Variants in PTK2B observed in about 807,000 individuals in gnomAD.
PTK2B encodes protein-tyrosine kinase 2-beta.
PTK2B carries 71 observed loss-of-function variants against 142.9 expected under a neutral mutation model. The ratio of observed to expected loss-of-function variants is 0.50; its 90% CI spans 0.41 to 0.61. PTK2B has a LOEUF of 0.61. PTK2B is among the 20% of genes least tolerant of loss of function. The pLI, the probability that PTK2B is intolerant of heterozygous loss-of-function variation, is 0.00. For synonymous variants in PTK2B, 519 were observed against 503.4 expected (o/e 1.03, Z -0.42); for missense variants, 1,105 against 1,320.4 (o/e 0.84, Z 2.53).
intron 2 of PTK2B, among the ~76,000 whole-genome samples, chr8:27,399,985 CTGTG>C (rs1426006280): frequency 6.6e-6 from 1 of 152,184 alleles, no homozygotes; most frequent in Admixed American, 6.5e-5. Flanking sequence ...AGGCTATTGA[CTGTG>C]TGGGTATTAG....
chr8:27,424,323 G>A lies in PTK2B; in HGVS notation c.551+1940G>A, dbSNP rs376475250. ...TTACTGGTGGTGGCCTAAGCTCCAG[G>A]CACTGCACTAATGTATTGGAGGACA... On this transcript the variant is annotated intron_variant, in intron 5 of 30. Transcript: ENST00000346049. Among the ~76,000 whole-genome samples, 69 of 152,230 alleles carry A rather than the reference G, an allele frequency of 4.5e-4. 2 individuals carry two copies. In the East Asian group the frequency reaches 0.012, roughly 26 times the overall value.
At chr8:27,408,061 AT>A (rs1356354215) in intron 2 of PTK2B, among the ~76,000 whole-genome samples, 1 of 152,162 alleles carries the variant, frequency 6.6e-6, no homozygotes, top group Non-Finnish European at 1.5e-5. Flanking sequence ...ATATCCCCAA[AT>A]GAAGGCCTCA....
chr8:27,416,196 A>C (rs1225968517), intron 2 of PTK2B, among the ~76,000 whole-genome samples: 1 of 152,278 alleles, frequency 6.6e-6, no homozygotes, highest in Non-Finnish European at 1.5e-5. Context: ...TCTAACATTT[A>C]TGTGGACATG....
chr8:27,329,222 C>G (rs1455502780), intron 1 of PTK2B, among the ~76,000 whole-genome samples: 1 of 152,202 alleles, frequency 6.6e-6, no homozygotes, highest in East Asian at 1.9e-4. Flanking sequence ...AGGTGTGAGC[C>G]ACCGCGTCTG....
At chr8:27,445,584 G>A (rs1036524853) in intron 23 of PTK2B, among the ~76,000 whole-genome samples, 8 of 152,152 alleles carry the variant, frequency 5.3e-5, no homozygotes, top group African/African-American at 1.9e-4. Flanking sequence ...CATCTTGGGG[G>A]AATGTTGGAT....
chr8:27,435,001 A>C (rs1031612735), intron 13 of PTK2B, among the ~76,000 whole-genome samples: 25 of 152,128 alleles, frequency 1.6e-4, no homozygotes, highest in African/African-American at 5.1e-4. Context: ...TCCATCTCAA[A>C]AAAAAAAAAT....
intron 1 of PTK2B, among the ~76,000 whole-genome samples, chr8:27,356,823 C>T (rs1805418913): frequency 6.6e-6 from 1 of 152,216 alleles, no homozygotes; most frequent in Non-Finnish European, 1.5e-5. Flanking sequence ...AAGTCACATA[C>T]TGTATGATTC....
intron 5 of PTK2B, among the ~76,000 whole-genome samples, chr8:27,422,824 G>A (rs1339770669): frequency 6.6e-6 from 1 of 152,208 alleles, no homozygotes; most frequent in Non-Finnish European, 1.5e-5. Context: ...ACATCATCCA[G>A]AGAGGCCCTC....
intron 15 of PTK2B, 103 bp downstream of exon 15, chr8:27,436,451 T>G (rs1306728117): frequency 8.7e-6 from 9 of 1,030,818 alleles, no homozygotes; most frequent in Non-Finnish European, 1.3e-5. Context: ...TTCATCCACT[T>G]GGGGCCCCTT....
In PTK2B at chr8:27,411,240, T is replaced by C. The variant is rs147325730; in HGVS notation, c.205-8655T>C. ...TGCTGATCTTGCTGCCCCTACTGTT[T>C]GCTTGAGAAGCTGTTTACATATTAG... On this transcript the variant is annotated intron_variant, in intron 2 of 30. Transcript: ENST00000346049. Among the ~76,000 whole-genome samples the C allele has an allele frequency of 5.3e-5, 8 of 152,324 alleles. No individual in the cohort carries two copies. In the East Asian group the frequency reaches 1.5e-3, roughly 29 times the overall value.
intron 2 of PTK2B, among the ~76,000 whole-genome samples, chr8:27,406,471 C>A (rs939812612): frequency 6.6e-6 from 1 of 152,074 alleles, no homozygotes; most frequent in Non-Finnish European, 1.5e-5. Flanking sequence ...AGTGAGTGGG[C>A]CTTTTGTCCA....
chr8:27,368,012 G>A (rs927574149), intron 1 of PTK2B, among the ~76,000 whole-genome samples: 1 of 152,262 alleles, frequency 6.6e-6, no homozygotes, highest in Non-Finnish European at 1.5e-5. Flanking sequence ...CAGGCCCCAC[G>A]GAATAGGGTG....
rs377638962 is a variant in PTK2B at position 27,433,396 on chromosome 8, G to T, written c.988-39G>T. ...GCCCTGGGGGTGGTCTCTAGCCAAG[G>T]CTCTGGGGTCTCACCCTTGGCTGGT... On this transcript the variant is annotated intron_variant, in intron 10 of 30. Transcript: ENST00000346049. 1.7e-5 allele frequency: 27 copies of T among 1,566,388 alleles called. No individual in the cohort carries two copies. The East Asian group carries it at 5.6e-4, about 33-fold the overall frequency.
chr8:27,430,509 G>T, intron 7 of PTK2B, 91 bp downstream of exon 7: 1 of 1,542,696 alleles, frequency 6.5e-7, no homozygotes, highest in Non-Finnish European at 9.0e-7. Flanking sequence ...ACTCAGAGAA[G>T]CCAGGGTATC....
At chr8:27,351,042 C>T (rs116014654) in intron 1 of PTK2B, among the ~76,000 whole-genome samples, 1,049 of 79,434 alleles carry the variant, frequency 0.013, 38 homozygotes, top group African/African-American at 0.031. Flanking sequence ...TATATATATA[C>T]GTGCTTGGAG....
chr8:27,401,896 GAT>G (rs1452973488), intron 2 of PTK2B, among the ~76,000 whole-genome samples: 5 of 152,080 alleles, frequency 3.3e-5, no homozygotes, highest in African/African-American at 1.2e-4. Flanking sequence ...TGATGGTGAT[GAT>G]GATGGTGATG....
rs145063612 is a variant in PTK2B at position 27,389,313 on chromosome 8, G to A, written c.-37-8235G>A. Among the ~76,000 whole-genome samples the A allele has an allele frequency of 5.1e-3, 776 of 151,612 alleles. 4 individuals carry two copies. Among genetic ancestry groups the A allele is most frequent in the African/African-American group, 0.017 (726 of 41,526 alleles). ...GGAGGGAAGGAAGGAAAGAAGGAAG[G>A]AAGACAGGAGGGAAGACAGGAAGAC... On this transcript the variant is annotated intron_variant, in intron 1 of 30. Transcript: ENST00000346049.
chr8:27,365,288 ACT>A (rs1031289495), intron 1 of PTK2B, among the ~76,000 whole-genome samples: 47 of 151,918 alleles, frequency 3.1e-4, no homozygotes, highest in East Asian at 3.9e-4. Context: ...CTCCTTTTGT[ACT>A]CTCTCTCGTC....
At chr8:27,421,704 A>C (rs1469353292) in intron 4 of PTK2B, among the ~76,000 whole-genome samples, 1 of 152,182 alleles carries the variant, frequency 6.6e-6, no homozygotes, top group Non-Finnish European at 1.5e-5. Context: ...ATTTCAAGCT[A>C]CTAATAGGAT....
Sources: gnomAD v4.1 joint callset for allele counts (sites outside exome capture counted in the v4.1 genomes callset) on GRCh38, gnomAD v4.1.1 for gene constraint, MANE v1.5 for transcripts, NCBI Gene and HGNC (gene_info 2026-07-23, HGNC 2026-07-21) for gene names.